SCRIB: variants seen among roughly 807,000 people sequenced by gnomAD.
SCRIB encodes the protein scribble planar cell polarity protein.
A neutral mutation model predicts 170.0 loss-of-function variants in SCRIB; 72 were observed. The ratio of observed to expected loss-of-function variants is 0.42; its 90% CI spans 0.35 to 0.52. The LOEUF (loss-of-function observed/expected upper bound fraction) is 0.52. SCRIB is among the 20% of genes least tolerant of loss of function. The pLI is 0.02. For missense variants in SCRIB, 2,475 were observed against 2,338.5 expected (o/e 1.06, Z -1.20); for synonymous variants, 1,298 against 1,044.3 (o/e 1.24, Z -4.68).
In SCRIB at chr8:143,806,497, C is replaced by T. The variant is rs370171774; in HGVS notation, c.2269-13G>A. The stretch of plus-strand genomic sequence containing the variant: ...AGATGAATATGCCCTAGGGCACAGA[C>T]ACGAGCTTGGCAGGGGCCAGGGAGA... On this transcript the variant is annotated splice_polypyrimidine_tract_variant and intron_variant, in intron 17 of 36. Transcript: ENST00000356994. 1.7e-3 allele frequency: 2,721 copies of T among 1,581,776 alleles called. 6 individuals are homozygous for T. Among genetic ancestry groups the T allele is most frequent in the Non-Finnish European group, 2.1e-3 (2,408 of 1,162,906 alleles).
chr8:143,794,945 T>G, intron 27 of SCRIB, 93 bp downstream of exon 27: 9 of 1,273,904 alleles, frequency 7.1e-6, no homozygotes, highest in Non-Finnish European at 1.0e-5. Context: ...CGCCCAAAGG[T>G]TCCCTCCCGG....
rs1554632511 is a variant in SCRIB at position 143,791,247 on chromosome 8, A to G, written c.4884T>C (p.Ala1628=). The G allele has an allele frequency of 8.0e-6, 12 of 1,498,656 alleles. No individual in the cohort carries two copies. Among genetic ancestry groups the G allele is most frequent in the East Asian group, 2.4e-5 (1 of 41,552 alleles). 92.8% of individuals were successfully genotyped at this position (1,498,656 alleles called of 1,614,324 possible). A position where few individuals can be genotyped will look rare whatever the true frequency, so the allele number is the denominator to read the frequency against. The part of the protein sequence containing the change: ...LVLLGRPSPG[A]VGPEDVALCS... Reference sequence around the variant, plus strand: ...ACAGTGCCACATCTTCAGGGCCCACAGCGCCGGGTGAGGGCCTGCCCAGAA... The same window carrying G: ...ACAGTGCCACATCTTCAGGGCCCACGGCGCCGGGTGAGGGCCTGCCCAGAA... The change falls in exon 37 of 37, where the codon GCT becomes GCC. Residue 1628 remains alanine (A), a synonymous_variant. Transcript: ENST00000356994.
intron 27 of SCRIB, 158 bp from the exon 28 acceptor site, chr8:143,794,120 C>T (rs561187019): frequency 1.7e-5 from 11 of 651,408 alleles, no homozygotes; most frequent in South Asian, 3.8e-5. Context: ...TCGGTCAGCA[C>T]GGAGGGGCTC....
rs1554632983 is a variant in SCRIB at position 143,792,291 on chromosome 8, G to A, written c.4443C>T (p.Pro1481=). Residue 1481 remains proline (P), a synonymous_variant, in exon 32 of 37, where the codon CCC becomes CCT. Coordinates refer to ENST00000356994, the MANE Select transcript of SCRIB (RefSeq NM_182706.5). The part of the protein sequence containing the change: ...LRVQSPEPPA[P]ERALSPAELR... ...GCTCGGCAGGGGACAGGGCACGCTCGGGTGCCGGTGGCTCCGGACTCTGCA... is the reference window on the plus strand; with the variant it reads ...GCTCGGCAGGGGACAGGGCACGCTCAGGTGCCGGTGGCTCCGGACTCTGCA... 17 of 1,562,476 alleles carry A rather than the reference G, an allele frequency of 1.1e-5. 1 individual carries two copies. Among genetic ancestry groups the A allele is most frequent in the East Asian group, 2.3e-5 (1 of 42,696 alleles).
In SCRIB at chr8:143,815,501, G is replaced by C; in HGVS notation, c.-129C>G. On this transcript the variant is annotated 5_prime_UTR_variant, in exon 1 of 37. Transcript: ENST00000356994. ...GGCAGGGGGCGGGCCGCCCGAGACT[G>C]GACGGGGACGCGGCCGCGGCCGGCG... 1.0e-6 allele frequency: 1 copy of C among 990,634 alleles called. No homozygotes were observed. Among genetic ancestry groups the C allele is most frequent in the Non-Finnish European group, 1.2e-6 (1 of 834,324 alleles). 61.4% of individuals were successfully genotyped at this position (990,634 alleles called of 1,614,324 possible). A position where few individuals can be genotyped will look rare whatever the true frequency, so the allele number is the denominator to read the frequency against.
At chr8:143,803,315 T>G (rs965542606) in intron 24 of SCRIB, 68 bp downstream of exon 24, 5 of 1,391,182 alleles carry the variant, frequency 3.6e-6, no homozygotes, top group East Asian at 2.6e-5. Context: ...CCCCGAGAGG[T>G]GTCAGCGGCT....
chr8:143,794,975 T>C (rs997076480), intron 27 of SCRIB, 63 bp downstream of exon 27: 1 of 1,518,684 alleles, frequency 6.6e-7, no homozygotes. Context: ...GCGTTTGTCC[T>C]GGGGTGGCCG....
At chr8:143,813,244 G>T in intron 6 of SCRIB, 67 bp downstream of exon 6, 1 of 1,601,898 alleles carries the variant, frequency 6.2e-7, no homozygotes, top group Non-Finnish European at 8.5e-7. Flanking sequence ...TCTGCTCGCT[G>T]TCCCCTTCTT....
At position 143,812,286 on chromosome 8, in the gene SCRIB, G is replaced by A. The variant is rs1017970683; in HGVS notation, c.886C>T (p.Leu296Phe). 1 of 1,611,082 alleles carries A rather than the reference G, an allele frequency of 6.2e-7. No homozygotes were observed. The part of the protein sequence containing the change: ...GDCENLSELI[L>F]TENLLMALPR... Reference sequence around the variant, plus strand: ...CCTACCATCAGCAGGTTCTCCGTGAGGATCAGCTCAGAGAGGTTCTCACAG... The same window carrying A: ...CCTACCATCAGCAGGTTCTCCGTGAAGATCAGCTCAGAGAGGTTCTCACAG... Residue 296 changes from leucine to phenylalanine, a missense_variant, in exon 9 of 37, where the codon CTC becomes TTC. Physicochemically the swap from Leu to Phe is conservative, Grantham distance 22 (BLOSUM62 0). Coordinates refer to ENST00000356994, the MANE Select transcript of SCRIB (RefSeq NM_182706.5).
Position 143,805,432 on chromosome 8 carries a change from T to C in SCRIB, c.2350A>G (p.Asn784Asp). The C allele has an allele frequency of 4.0e-6, 6 of 1,492,786 alleles. No individual in the cohort carries two copies. Among genetic ancestry groups the C allele is most frequent in the Non-Finnish European group, 5.3e-6 (6 of 1,123,654 alleles). 92.5% of individuals were successfully genotyped at this position (1,492,786 alleles called of 1,614,324 possible). A position where few individuals can be genotyped will look rare whatever the true frequency, so the allele number is the denominator to read the frequency against. ...TCGGCGCCCTGCAGAGCCACACCATTCACCTGCGGGCCAGGGACCACGTGC... is the reference window on the plus strand; with the variant it reads ...TCGGCGCCCTGCAGAGCCACACCATCCACCTGCGGGCCAGGGACCACGTGC... Reference protein sequence around the residue: ...VRVGDKLLEVNGVALQGAEHH... With the variant: ...VRVGDKLLEVDGVALQGAEHH... The change falls in exon 19 of 37, where the codon AAT becomes GAT. Residue 784 changes from asparagine to aspartate, a missense_variant. By Grantham distance (23) the Asn-to-Asp change is conservative. Coordinates refer to ENST00000356994, the MANE Select transcript of SCRIB (RefSeq NM_182706.5).
At chr8:143,798,121 T>A (rs1318371627) in intron 24 of SCRIB, among the ~76,000 whole-genome samples, 2 of 152,118 alleles carry the variant, frequency 1.3e-5, no homozygotes, top group Non-Finnish European at 2.9e-5. Flanking sequence ...ATTTTTTCGG[T>A]GGCAGACGCC....
chr8:143,798,896 A>C (rs988204070), intron 24 of SCRIB, among the ~76,000 whole-genome samples: 1 of 151,864 alleles, frequency 6.6e-6, no homozygotes, highest in Non-Finnish European at 1.5e-5. Flanking sequence ...GGGCCGGGGC[A>C]GGAAGTACAA....
In SCRIB at chr8:143,791,657, G is replaced by A. The variant is rs1563785700; in HGVS notation, c.4770+9C>T. On this transcript the variant is annotated intron_variant, in intron 35 of 36. Coordinates refer to ENST00000356994, the MANE Select transcript of SCRIB (RefSeq NM_182706.5). The stretch of plus-strand genomic sequence containing the variant: ...GTGGCAGGCATGCAGAGGCCTGGAG[G>A]CCAGGTACCTGGATGTCATAGACAG... The A allele has an allele frequency of 6.2e-7, 1 of 1,602,190 alleles. No homozygotes were observed. The highest frequency in any genetic ancestry group is 8.5e-7 in the Non-Finnish European group (1 of 1,170,902).
rs782482204 is a variant in SCRIB, at chr8:143,805,021, G to A, written c.2671-7C>T. ...TGCGGGAGACGAAGATGCCCTGCAG[G>A]GGAGGGTGGAGGAGGCAGGGCTGCC... On this transcript the variant is annotated splice_polypyrimidine_tract_variant and splice_region_variant and intron_variant, in intron 19 of 36. Coordinates refer to ENST00000356994, the MANE Select transcript of SCRIB (RefSeq NM_182706.5). 5 of 1,586,938 alleles carry A rather than the reference G, an allele frequency of 3.2e-6. No homozygotes were observed. The Admixed American group carries it at 8.8e-5, about 28-fold the overall frequency.
Position 143,791,868 on chromosome 8 carries a change from C to T in SCRIB, c.4695+8G>A. 6.5e-7 allele frequency: 1 copy of T among 1,534,548 alleles called. No homozygotes were observed. Among genetic ancestry groups the T allele is most frequent in the Non-Finnish European group, 8.8e-7 (1 of 1,137,734 alleles). On this transcript the variant is annotated splice_region_variant and intron_variant, in intron 34 of 36. Coordinates refer to ENST00000356994, the MANE Select transcript of SCRIB (RefSeq NM_182706.5). ...GGTGAAGGGAAGGCATAGCCACCGGCTCCTCACCAGGCGTCCCGGGGAGGT... is the reference window on the plus strand; with the variant it reads ...GGTGAAGGGAAGGCATAGCCACCGGTTCCTCACCAGGCGTCCCGGGGAGGT...
Position 143,815,206 on chromosome 8 carries a change from C to A in SCRIB, c.159+8G>T. 1 of 1,561,152 alleles carries A rather than the reference C, an allele frequency of 6.4e-7. No homozygotes were observed. Among genetic ancestry groups the A allele is most frequent in the Admixed American group, 1.8e-5 (1 of 56,738 alleles). On this transcript the variant is annotated splice_region_variant and intron_variant, in intron 1 of 36. Coordinates refer to ENST00000356994, the MANE Select transcript of SCRIB (RefSeq NM_182706.5). ...GCCTTTGGGCGGCAGGTGCGGGCGGCCGCTCACCTTGGGCAGCTCGCGCAG... is the reference window on the plus strand; with the variant it reads ...GCCTTTGGGCGGCAGGTGCGGGCGGACGCTCACCTTGGGCAGCTCGCGCAG...
intron 24 of SCRIB, among the ~76,000 whole-genome samples, chr8:143,797,600 C>T (rs1165619912): frequency 6.6e-6 from 1 of 152,240 alleles, no homozygotes; most frequent in Non-Finnish European, 1.5e-5. Context: ...AGAGCATCAC[C>T]AGTGAGCCCT....
In SCRIB at chr8:143,809,567, T is replaced by G. The variant is rs1815608505; in HGVS notation, c.1682A>C (p.Glu561Ala). 6.2e-7 allele frequency: 1 copy of G among 1,611,092 alleles called. No homozygotes were observed. The highest frequency in any genetic ancestry group is 1.7e-5 in the Admixed American group (1 of 59,976). Reference protein sequence around the residue: ...ATTAGGEEDAEEDYQEPTVHF... With the variant: ...ATTAGGEEDAAEDYQEPTVHF... ...AATCCACACCTCCTGGTAGTCCTCT[T>G]CGGCGTCTTCCTCCCCGCCAGCAGT... Residue 561 changes from glutamate to alanine, a missense_variant, in exon 14 of 37, where the codon GAA (glutamate) becomes GCA (alanine). Physicochemically the swap from Glu to Ala is moderately radical, Grantham distance 107. Transcript: ENST00000356994.
At chr8:143,795,665 G>C in intron 24 of SCRIB, 135 bp from the exon 25 acceptor site, 1 of 736,304 alleles carries the variant, frequency 1.4e-6, no homozygotes, top group Non-Finnish European at 2.3e-6. Context: ...GGCTGACCGC[G>C]TGGCTGGGGC....
Sources: gnomAD v4.1 joint callset for allele counts (sites outside exome capture counted in the v4.1 genomes callset) on GRCh38, gnomAD v4.1.1 for gene constraint, MANE v1.5 for transcripts, NCBI Gene and HGNC (gene_info 2026-07-23, HGNC 2026-07-21) for gene names.